DAZAP1: variants seen among roughly 807,000 people sequenced by gnomAD.
DAZAP1 encodes DAZ-associated protein 1.
Under a neutral mutation model 60.1 loss-of-function variants are expected in DAZAP1, and 6 were observed. That is an observed-to-expected ratio of 0.10 (90% confidence interval 0.05 to 0.20). The LOEUF (loss-of-function observed/expected upper bound fraction) is 0.20. Ranked by LOEUF, DAZAP1 falls within the 10% of genes least tolerant of loss-of-function variation. The probability of loss-of-function intolerance (pLI) is 1.00; values close to 1 mark genes in which losing one functional copy is unlikely to be tolerated. For synonymous variants in DAZAP1, 235 were observed against 215.9 expected (o/e 1.09, Z -0.78); for missense variants, 366 against 560.4 (o/e 0.65, Z 3.50).
chr19:1,424,027 T>G (rs2144838051), intron 6 of DAZAP1, among the ~76,000 whole-genome samples: 1 of 152,208 alleles, frequency 6.6e-6, no homozygotes, highest in South Asian at 2.1e-4. Flanking sequence ...AGAGAGTGTG[T>G]CCCCTTCCCT....
At chr19:1,412,148 C>T (rs1291631583) in intron 1 of DAZAP1, among the ~76,000 whole-genome samples, 6 of 152,158 alleles carry the variant, frequency 3.9e-5, no homozygotes, top group South Asian at 4.1e-4. Flanking sequence ...CACACAGCAG[C>T]GCGTTCCAGT....
At position 1,418,493 on chromosome 19, in the gene DAZAP1, G is replaced by A; in HGVS notation, c.237+123G>A. The A allele has an allele frequency of 7.0e-7, 1 of 1,438,324 alleles. No homozygotes were observed. The highest frequency in any genetic ancestry group is 9.7e-7 in the Non-Finnish European group (1 of 1,033,942). The allele number at this position is 1,438,324 out of a possible 1,614,324, so 89.1% of individuals were successfully genotyped here. On this transcript the variant is annotated intron_variant, in intron 3 of 11. Transcript: ENST00000233078. This position sits in a 1 kb window ranked among gnomAD's most constrained non-coding sequence, Gnocchi z 5.7. ...TATGTTTGAACGTGGGGTCGATTGG[G>A]AAGGATTAAGCCTTGGTGCTGAGGC...
At position 1,432,345 on chromosome 19, in the gene DAZAP1, A is replaced by G. The variant is rs2083473278; in HGVS notation, c.872-169A>G. On this transcript the variant is annotated intron_variant, in intron 10 of 11. Coordinates refer to ENST00000233078, the MANE Select transcript of DAZAP1 (RefSeq NM_018959.4). This position sits in a 1 kb window ranked among gnomAD's most constrained non-coding sequence, Gnocchi z 4.9. ...TGTTTCCTGGGGGGAGCGGCCCGGG[A>G]CCGTGGCTCTGTGGTCCATTCTGTG... The G allele has an allele frequency of 2.8e-6, 2 of 712,290 alleles. No homozygotes were observed. Among genetic ancestry groups the G allele is most frequent in the African/African-American group, 1.8e-5 (1 of 56,920 alleles). The allele number at this position is 712,290 out of a possible 1,614,324, so 44.1% of individuals were successfully genotyped here. A position where few individuals can be genotyped will look rare whatever the true frequency, so the allele number is the denominator to read the frequency against.
chr19:1,430,172 C>T, intron 9 of DAZAP1, 50 bp from the exon 10 acceptor site: 1 of 1,566,596 alleles, frequency 6.4e-7, no homozygotes, highest in Non-Finnish European at 8.7e-7. Context: ...TGTGGCCAGT[C>T]TGTGTTGTCC....
Position 1,422,607 on chromosome 19 carries a change from T to C in DAZAP1, c.463+211T>C, listed in dbSNP as rs1173329323. On this transcript the variant is annotated intron_variant, in intron 6 of 11. Coordinates refer to ENST00000233078, the MANE Select transcript of DAZAP1 (RefSeq NM_018959.4). This position sits in a 1 kb window ranked among gnomAD's most constrained non-coding sequence, Gnocchi z 4.5. ...CGAGGTCAGACGTCACACATTGTTT[T>C]TTGGCTTGTTCTTTTGAAGTTTTTA... Among the ~76,000 whole-genome samples the C allele has an allele frequency of 1.3e-5, 2 of 152,192 alleles. No individual in the cohort carries two copies. The highest frequency in any genetic ancestry group is 4.8e-5 in the African/African-American group (2 of 41,454).
chr19:1,429,814 T>G (rs2083397901), intron 8 of DAZAP1, among the ~76,000 whole-genome samples, 153 bp from the exon 9 acceptor site: 1 of 152,114 alleles, frequency 6.6e-6, no homozygotes, highest in Non-Finnish European at 1.5e-5. Context: ...CTGCTCAGGG[T>G]TCAGAGGGCT....
chr19:1,433,002 T>G lies in DAZAP1; in HGVS notation c.1048+312T>G. 2.9e-6 allele frequency: 1 copy of G among 339,464 alleles called. No homozygotes were observed. The highest frequency in any genetic ancestry group is 2.1e-5 in the African/African-American group (1 of 46,620). The allele number at this position is 339,464 out of a possible 1,614,324, so 21.0% of individuals were successfully genotyped here. A position where few individuals can be genotyped will look rare whatever the true frequency, so the allele number is the denominator to read the frequency against. On this transcript the variant is annotated intron_variant, in intron 11 of 11. Coordinates refer to ENST00000233078, the MANE Select transcript of DAZAP1 (RefSeq NM_018959.4). The surrounding 1 kb of genome is among the most constrained non-coding windows in gnomAD (Gnocchi z 6.1). ...GTCGCAGGCAGCTGTGATCACTGTC[T>G]AGAGGTTCAGGCCCTCGGTGTGGGT...
rs956203358 is a variant in DAZAP1 at position 1,434,161 on chromosome 19, C to T, written c.1049-576C>T. 1.0e-5 allele frequency: 3 copies of T among 294,200 alleles called. No homozygotes were observed. The highest frequency in any genetic ancestry group is 1.9e-5 in the Non-Finnish European group (3 of 154,832). 18.2% of individuals were successfully genotyped at this position (294,200 alleles called of 1,614,324 possible). ...TGCTCCTGAGGTCGGCTGTGTGGGC[C>T]GGACGGGCTGCAGGGTGTGCTGGCC... On this transcript the variant is annotated intron_variant, in intron 11 of 11. Coordinates refer to ENST00000233078, the MANE Select transcript of DAZAP1 (RefSeq NM_018959.4). This position sits in a 1 kb window ranked among gnomAD's most constrained non-coding sequence, Gnocchi z 8.0.
chr19:1,426,025 A>G lies in DAZAP1; in HGVS notation c.546+65A>G. 8.7e-7 allele frequency: 1 copy of G among 1,148,354 alleles called. No individual in the cohort carries two copies. The highest frequency in any genetic ancestry group is 1.3e-6 in the Non-Finnish European group (1 of 755,438). The allele number at this position is 1,148,354 out of a possible 1,614,324, so 71.1% of individuals were successfully genotyped here. Reference sequence around the variant, plus strand: ...AAGTCTTAGGCAACTTAGGGGTTTCACTGGAAAGGAACATTCCTTCACGGA... The same window carrying G: ...AAGTCTTAGGCAACTTAGGGGTTTCGCTGGAAAGGAACATTCCTTCACGGA... On this transcript the variant is annotated intron_variant, in intron 7 of 11. Coordinates refer to ENST00000233078, the MANE Select transcript of DAZAP1 (RefSeq NM_018959.4). This position sits in a 1 kb window ranked among gnomAD's most constrained non-coding sequence, Gnocchi z 5.4.
intron 4 of DAZAP1, among the ~76,000 whole-genome samples, chr19:1,420,937 C>T (rs1451096557): frequency 6.6e-6 from 1 of 152,206 alleles, no homozygotes; most frequent in Non-Finnish European, 1.5e-5. Context: ...CAGAAATGCT[C>T]AATCCCTGTC....
Position 1,413,391 on chromosome 19 carries a change from G to A in DAZAP1, c.30-4109G>A, listed in dbSNP as rs185796330. On this transcript the variant is annotated intron_variant, in intron 1 of 11. Transcript: ENST00000233078. ...GCCGGCTTCTCACTCACGACCTGGT[G>A]AGGTTGGCAGCCAGGAGCTTTCTTA... Among the ~76,000 whole-genome samples, 4 of 152,372 alleles carry A rather than the reference G, an allele frequency of 2.6e-5. No homozygotes were observed. In the East Asian group the frequency reaches 7.7e-4, roughly 29 times the overall value.
Position 1,432,728 on chromosome 19 carries a change from C to T in DAZAP1, c.1048+38C>T. On this transcript the variant is annotated intron_variant, in intron 11 of 11. Transcript: ENST00000233078. The surrounding 1 kb of genome is among the most constrained non-coding windows in gnomAD (Gnocchi z 4.9). ...CTGCCATGCCGCGTCCCCGCTGGCC[C>T]CAGGACCCTGGGCACGGCCTGCCTT... 3 of 1,545,998 alleles carry T rather than the reference C, an allele frequency of 1.9e-6. No individual in the cohort carries two copies. The highest frequency in any genetic ancestry group is 1.2e-5 in the South Asian group (1 of 81,066).
chr19:1,433,179 G>A lies in DAZAP1; in HGVS notation c.1048+489G>A, dbSNP rs2144944904. 1 of 184,524 alleles carries A rather than the reference G, an allele frequency of 5.4e-6. No individual in the cohort carries two copies. The highest frequency in any genetic ancestry group is 1.0e-4 in the South Asian group (1 of 9,548). The allele number at this position is 184,524 out of a possible 1,614,324, so 11.4% of individuals were successfully genotyped here. On this transcript the variant is annotated intron_variant, in intron 11 of 11. Coordinates refer to ENST00000233078, the MANE Select transcript of DAZAP1 (RefSeq NM_018959.4). The surrounding 1 kb of genome is among the most constrained non-coding windows in gnomAD (Gnocchi z 6.1). ...GGACTGGATGGCTGTCGTGGCTTGG[G>A]TCTGCCTGGACGTGATCTGCAGGCA...
intron 1 of DAZAP1, among the ~76,000 whole-genome samples, chr19:1,412,311 C>T (rs2082854508): frequency 6.6e-6 from 1 of 152,152 alleles, no homozygotes; most frequent in South Asian, 2.1e-4. Flanking sequence ...GTCCTGGTTT[C>T]CCACCTGGTC....
intron 2 of DAZAP1, among the ~76,000 whole-genome samples, chr19:1,417,857 A>G (rs2083032967): frequency 1.3e-5 from 2 of 152,170 alleles, no homozygotes; most frequent in Admixed American, 1.3e-4. Context: ...TGAGTTCAGA[A>G]TAGGAGGAAA....
chr19:1,417,872 G>A (rs2144770017), intron 2 of DAZAP1, among the ~76,000 whole-genome samples: 1 of 152,296 alleles, frequency 6.6e-6, no homozygotes, highest in African/African-American at 2.4e-5. Flanking sequence ...AGGAAAGAGT[G>A]TGTAGCAAAG....
chr19:1,412,850 T>C (rs2082868836), intron 1 of DAZAP1, among the ~76,000 whole-genome samples: 1 of 152,214 alleles, frequency 6.6e-6, no homozygotes, highest in Non-Finnish European at 1.5e-5. Context: ...TCCTGGGAGA[T>C]GTTCATCATG....
At chr19:1,409,297 C>T (rs1398730240) in intron 1 of DAZAP1, among the ~76,000 whole-genome samples, 2 of 152,264 alleles carry the variant, frequency 1.3e-5, no homozygotes, top group Admixed American at 1.3e-4. Flanking sequence ...AGATGGGGTA[C>T]CTGGATTAGG....
At chr19:1,430,124 AGGGGCCTGCTAG>A in intron 9 of DAZAP1, 86 bp from the exon 10 acceptor site, 2 of 1,536,074 alleles carry the variant, frequency 1.3e-6, no homozygotes, top group Non-Finnish European at 1.8e-6. Context: ...AGAGAGGGTG[AGGGGCCTGCTAG>A]GGCCCCTGGC....
Sources: allele counts gnomAD v4.1 joint callset (sites outside exome capture counted in the v4.1 genomes callset), GRCh38; gene constraint gnomAD v4.1.1; non-coding constraint Gnocchi (gnomAD v3.1); transcripts MANE v1.5; gene names NCBI Gene and HGNC (gene_info 2026-07-23, HGNC 2026-07-21).